Variants in MAMDC2 observed in about 807,000 individuals in gnomAD.
MAMDC2 encodes MAM domain containing 2, also known as MAM domain-containing protein 2.
A neutral mutation model predicts 89.8 loss-of-function variants in MAMDC2; 57 were observed. The ratio of observed to expected loss-of-function variants is 0.63; its 90% CI spans 0.51 to 0.79. The LOEUF is 0.79. MAMDC2 is among the 30% of genes least tolerant of loss of function. The pLI, the probability that MAMDC2 is intolerant of heterozygous loss-of-function variation, is 0.00. For missense variants in MAMDC2, 800 were observed against 820.6 expected, an observed-to-expected ratio of 0.97 and a Z score of 0.31; for synonymous variants, 313 against 293.4, an observed-to-expected ratio of 1.07 and a Z score of -0.68.
At chr9:70,206,643 A>C (rs1374084294) in intron 11 of MAMDC2, among the ~76,000 whole-genome samples, 1 of 152,028 alleles carries the variant, frequency 6.6e-6, no homozygotes, top group Admixed American at 6.6e-5. Context: ...TTTTATTATT[A>C]TTATACTTTA....
chr9:70,074,875 T>TTGAATTATG (rs1468534304), intron 2 of MAMDC2, among the ~76,000 whole-genome samples: 2 of 152,208 alleles, frequency 1.3e-5, no homozygotes, highest in African/African-American at 4.8e-5. Flanking sequence ...CATGGATCCC[T>TTGAATTATG]TGAATTATGT....
At chr9:70,128,469 T>C (rs1284881687) in intron 6 of MAMDC2, among the ~76,000 whole-genome samples, 1 of 152,152 alleles carries the variant, frequency 6.6e-6, no homozygotes, top group East Asian at 1.9e-4. Context: ...AGAGTTTAGG[T>C]ACCAGGTCCT....
At chr9:70,058,660 C>T (rs200455014) in intron 2 of MAMDC2, among the ~76,000 whole-genome samples, 2 of 148,676 alleles carry the variant, frequency 1.3e-5, no homozygotes, top group Admixed American at 6.9e-5. Context: ...TGGCTCCTGC[C>T]TGCCTTCTGT....
intron 2 of MAMDC2, chr9:70,063,181 G>C (rs940750260): frequency 6.6e-6 from 1 of 152,392 alleles, no homozygotes; most frequent in African/African-American, 2.4e-5. Context: ...CTTGAACCTG[G>C]GAGGTGGAGG....
intron 9 of MAMDC2, among the ~76,000 whole-genome samples, chr9:70,149,356 G>A (rs748501995): frequency 6.6e-5 from 10 of 152,060 alleles, no homozygotes; most frequent in African/African-American, 2.4e-4. Context: ...CACCACTGAA[G>A]GAAAGGAAGG....
At chr9:70,049,821 C>T (rs1382995885) in intron 2 of MAMDC2, among the ~76,000 whole-genome samples, 1 of 152,208 alleles carries the variant, frequency 6.6e-6, no homozygotes, top group African/African-American at 2.4e-5. Flanking sequence ...CATGGCTGTG[C>T]TGTGCTGTGC....
intron 11 of MAMDC2, among the ~76,000 whole-genome samples, chr9:70,189,714 G>A (rs886897132): frequency 2.0e-5 from 3 of 151,896 alleles, no homozygotes; most frequent in Non-Finnish European, 4.4e-5. Context: ...CTTCCACTAT[G>A]CATATGTTGG....
chr9:70,045,172 C>T (rs1826716781), intron 2 of MAMDC2, among the ~76,000 whole-genome samples: 1 of 152,190 alleles, frequency 6.6e-6, no homozygotes. Context: ...ATCACGTCTG[C>T]CTTGACCCTG....
intron 6 of MAMDC2, 78 bp downstream of exon 6, chr9:70,126,493 A>G: frequency 6.9e-7 from 1 of 1,447,344 alleles, no homozygotes; most frequent in South Asian, 1.3e-5. Context: ...GGAGATGGAG[A>G]GGCTGTGCAG....
At chr9:70,064,126 A>C (rs1300061381) in intron 2 of MAMDC2, among the ~76,000 whole-genome samples, 4 of 151,990 alleles carry the variant, frequency 2.6e-5, no homozygotes, top group Non-Finnish European at 4.4e-5. Context: ...TGATGTATAT[A>C]TATATAATAA....
chr9:70,222,311 T>C (rs2033579092), intron 12 of MAMDC2, among the ~76,000 whole-genome samples: 1 of 152,204 alleles, frequency 6.6e-6, no homozygotes, highest in Admixed American at 6.5e-5. Flanking sequence ...CATGTTAAGT[T>C]TTCTATGTCT....
intron 2 of MAMDC2, among the ~76,000 whole-genome samples, chr9:70,062,306 CT>C: frequency 6.6e-6 from 1 of 152,010 alleles, no homozygotes; most frequent in South Asian, 2.1e-4. Context: ...TTATCTATGT[CT>C]CCTCTACCAT....
At chr9:70,152,880 T>C (rs1007589509) in intron 9 of MAMDC2, among the ~76,000 whole-genome samples, 1 of 152,162 alleles carries the variant, frequency 6.6e-6, no homozygotes, top group Non-Finnish European at 1.5e-5. Context: ...TCTTAGCATA[T>C]AAAGTTCTTA....
At chr9:70,170,354 T>C (rs945552893) in intron 10 of MAMDC2, 125 bp from the exon 11 acceptor site, 5 of 1,098,176 alleles carry the variant, frequency 4.6e-6, no homozygotes, top group African/African-American at 1.6e-5. Context: ...GGGCCACCAG[T>C]GGGGGCTGCC....
chr9:70,199,509 A>T (rs1385404090), intron 11 of MAMDC2, among the ~76,000 whole-genome samples: 1 of 148,614 alleles, frequency 6.7e-6, no homozygotes, highest in Non-Finnish European at 1.5e-5. Context: ...CGCAATAAAC[A>T]TACGTGTGCA....
chr9:70,103,931 G>A (rs1024854288), intron 2 of MAMDC2, among the ~76,000 whole-genome samples: 9 of 151,092 alleles, frequency 6.0e-5, no homozygotes, highest in African/African-American at 1.7e-4. Flanking sequence ...GCAGTGAGCC[G>A]AGATCACGCC....
chr9:70,076,648 T>A (rs1356454185), intron 2 of MAMDC2, among the ~76,000 whole-genome samples: 2 of 152,152 alleles, frequency 1.3e-5, no homozygotes, highest in African/African-American at 4.8e-5. Flanking sequence ...GGGAACAAAC[T>A]TTTTTTAAAG....
intron 7 of MAMDC2, among the ~76,000 whole-genome samples, chr9:70,133,210 G>C (rs1199999641): frequency 6.6e-6 from 1 of 152,190 alleles, no homozygotes; most frequent in Middle Eastern, 3.2e-3. Context: ...TATGGTAGAA[G>C]AGGTGTTTAT....
At chr9:70,064,626 G>A (rs1827223643) in intron 2 of MAMDC2, among the ~76,000 whole-genome samples, 1 of 152,120 alleles carries the variant, frequency 6.6e-6, no homozygotes, top group African/African-American at 2.4e-5. Context: ...TTAGGAAACA[G>A]CTTTTACAGA....
Sources: allele counts gnomAD v4.1 joint callset (sites outside exome capture counted in the v4.1 genomes callset), GRCh38; gene constraint gnomAD v4.1.1; transcripts MANE v1.5; gene names NCBI Gene and HGNC (gene_info 2026-07-23, HGNC 2026-07-21).